The following BRIP1 variants were observed in gnomAD, a reference collection of about 807,000 sequenced individuals.
BRIP1 encodes the protein Fanconi anemia group J protein.
BRIP1 carries 88 observed loss-of-function variants against 119.7 expected under a neutral mutation model. The observed-to-expected ratio is 0.74, with a 90% CI of 0.62 to 0.88. The LOEUF (loss-of-function observed/expected upper bound fraction) is 0.88. Among genes scored for constraint, BRIP1 ranks in the 40% least tolerant of loss-of-function variants. BRIP1 has a pLI of 0.00. For synonymous variants in BRIP1, 443 were observed against 496.5 expected, an observed-to-expected ratio of 0.89 and a Z score of 1.43; for missense variants, 1,259 against 1,455.4, an observed-to-expected ratio of 0.87 and a Z score of 2.20.
At position 61,804,874 on chromosome 17, in the gene BRIP1, T is replaced by G. The variant is rs1464503695; in HGVS notation, c.919-3400A>C. Among the ~76,000 whole-genome samples the G allele has an allele frequency of 6.6e-6, 1 of 151,930 alleles. No homozygotes were observed. Among genetic ancestry groups the G allele is most frequent in the East Asian group, 1.9e-4 (1 of 5,186 alleles). On this transcript the variant is annotated intron_variant, in intron 7 of 19. Transcript: ENST00000259008. The surrounding 1 kb of genome is among the most constrained non-coding windows in gnomAD (Gnocchi z 4.5). ...GTATTACTGGAAATAAAAGATTTCA[T>G]TACAGGCTGAGCGCACTGGCTCATG...
Position 61,687,017 on chromosome 17 carries a change from T to G in BRIP1, c.2576-852A>C, listed in dbSNP as rs1183109569. On this transcript the variant is annotated intron_variant, in intron 18 of 19. Coordinates refer to ENST00000259008, the MANE Select transcript of BRIP1 (RefSeq NM_032043.3). The surrounding 1 kb of genome is among the most constrained non-coding windows in gnomAD (Gnocchi z 5.1). ...TTTAAATAAGCCATTTCCCTTGAAG[T>G]TTTTTATTTTGTTCATTTGGGGAAT... is the stretch of plus-strand genomic sequence containing the variant. Among the ~76,000 whole-genome samples, 1 of 152,150 alleles carries G rather than the reference T, an allele frequency of 6.6e-6. No individual in the cohort carries two copies. Among genetic ancestry groups the G allele is most frequent in the Non-Finnish European group, 1.5e-5 (1 of 68,022 alleles).
At position 61,776,449 on chromosome 17, in the gene BRIP1, C is replaced by T. The variant is rs1228288888; in HGVS notation, c.2049G>A (p.Val683=). 1 of 1,614,088 alleles carries T rather than the reference C, an allele frequency of 6.2e-7. No individual in the cohort carries two copies. The highest frequency in any genetic ancestry group is 1.7e-5 in the Admixed American group (1 of 60,008). ...AAATTCCTTGGCTCACAGTCTGGCA[C>T]ACAGATAACAAAAGTGCTCCCACTT... ...QDEVGALLLS[V]CQTVSQGILC... is the part of the protein sequence containing the mutation. Residue 683 remains valine, a synonymous_variant, in exon 14 of 20, where the codon GTG becomes GTA. Transcript: ENST00000259008. This position sits in a 1 kb window ranked among gnomAD's most constrained non-coding sequence, Gnocchi z 5.0.
intron 17 of BRIP1, among the ~76,000 whole-genome samples, chr17:61,712,175 C>T (rs1175986134): frequency 2.6e-5 from 4 of 152,038 alleles, no homozygotes; most frequent in Non-Finnish European, 5.9e-5. Flanking sequence ...GGTTGAAGTG[C>T]AAATATGTCA....
In BRIP1 at chr17:61,841,807, T is replaced by G. The variant is rs955499558; in HGVS notation, c.627+5294A>C. Among the ~76,000 whole-genome samples, 1 of 152,130 alleles carries G rather than the reference T, an allele frequency of 6.6e-6. No homozygotes were observed. The highest frequency in any genetic ancestry group is 2.4e-5 in the African/African-American group (1 of 41,440). On this transcript the variant is annotated intron_variant, in intron 6 of 19. Coordinates refer to ENST00000259008, the MANE Select transcript of BRIP1 (RefSeq NM_032043.3). This position sits in a 1 kb window ranked among gnomAD's most constrained non-coding sequence, Gnocchi z 4.1. Reference sequence around the variant, plus strand: ...ATCGCCCATGCCTCAGCCTCCCAAGTAGCTAGGACTGCAGGCACGTACCAC... The same window carrying G: ...ATCGCCCATGCCTCAGCCTCCCAAGGAGCTAGGACTGCAGGCACGTACCAC...
chr17:61,819,520 C>A (rs908430771), intron 6 of BRIP1, among the ~76,000 whole-genome samples: 1 of 152,140 alleles, frequency 6.6e-6, no homozygotes, highest in Non-Finnish European at 1.5e-5. Context: ...GAATGTGGCA[C>A]ATACACAATG....
intron 16 of BRIP1, among the ~76,000 whole-genome samples, chr17:61,719,706 CAGAGTG>C (rs2061940648): frequency 6.8e-6 from 1 of 146,616 alleles, no homozygotes; most frequent in Non-Finnish European, 1.5e-5. Context: ...GCCTGGGTGA[CAGAGTG>C]AGACTCTGTC....
chr17:61,688,217 T>C (rs1034962012), intron 18 of BRIP1, among the ~76,000 whole-genome samples: 2 of 152,174 alleles, frequency 1.3e-5, no homozygotes, highest in Non-Finnish European at 2.9e-5. Context: ...CTCATGCCTG[T>C]AATCCCAGCA....
Position 61,814,373 on chromosome 17 carries a change from G to C in BRIP1, c.628-5616C>G, listed in dbSNP as rs530724773. On this transcript the variant is annotated intron_variant, in intron 6 of 19. Coordinates refer to ENST00000259008, the MANE Select transcript of BRIP1 (RefSeq NM_032043.3). This position sits in a 1 kb window ranked among gnomAD's most constrained non-coding sequence, Gnocchi z 4.9. The stretch of plus-strand genomic sequence containing the variant: ...AGTGCTTACAGTCAAGTGAGGATCA[G>C]TATCTACAACATATAAAGAATTCCA... 6.6e-6 allele frequency among the ~76,000 whole-genome samples: 1 copy of C among 152,026 alleles called. No homozygotes were observed. Among genetic ancestry groups the C allele is most frequent in the South Asian group, 2.1e-4 (1 of 4,830 alleles).
Position 61,757,898 on chromosome 17 carries a change from T to C in BRIP1, c.2098-13307A>G, listed in dbSNP as rs1056261858. On this transcript the variant is annotated intron_variant, in intron 14 of 19. Coordinates refer to ENST00000259008, the MANE Select transcript of BRIP1 (RefSeq NM_032043.3). This position sits in a 1 kb window ranked among gnomAD's most constrained non-coding sequence, Gnocchi z 4.3. ...GTCCCAGTTACCCAGGAGGCTGAAGTGGGAGGATCACCTGAGCCAGGGAGG... is the reference window on the plus strand; with the variant it reads ...GTCCCAGTTACCCAGGAGGCTGAAGCGGGAGGATCACCTGAGCCAGGGAGG... Among the ~76,000 whole-genome samples the C allele has an allele frequency of 1.1e-4, 16 of 150,994 alleles. No homozygotes were observed. The highest frequency in any genetic ancestry group is 3.9e-4 in the African/African-American group (16 of 41,124).
rs2077531719 is a variant in BRIP1, at chr17:61,776,344, A to ATGTTTAAAATGTAAATGAT, written c.2097+38_2097+56dup. ...TGGTAATTTTAAAATTAGCATGCCA[A>ATGTTTAAAATGTAAATGAT]TGTTTAAAATGTAAATGATTATTTA... On this transcript the variant is annotated intron_variant, in intron 14 of 19. Coordinates refer to ENST00000259008, the MANE Select transcript of BRIP1 (RefSeq NM_032043.3). This position sits in a 1 kb window ranked among gnomAD's most constrained non-coding sequence, Gnocchi z 5.0. 6.3e-7 allele frequency: 1 copy of ATGTTTAAAATGTAAATGAT among 1,595,284 alleles called. No homozygotes were observed. The highest frequency in any genetic ancestry group is 8.6e-7 in the Non-Finnish European group (1 of 1,163,414).
rs1422020047 is a variant in BRIP1, at chr17:61,793,632, T to C, written c.1438A>G (p.Met480Val). 6.2e-7 allele frequency: 1 copy of C among 1,608,576 alleles called. No homozygotes were observed. ...GGAAAAGTAGCAGTGGTGATACCCA[T>C]TTTGTGTAAAGTTAAGAGCATTTCA... is the stretch of plus-strand genomic sequence containing the variant. ...GNEMLLTLHK[M>V]GITTATFPIL... The change falls in exon 10 of 20, where the codon ATG (methionine) becomes GTG (valine). Residue 480 changes from methionine to valine, a missense_variant. Physicochemically the swap from Met to Val is conservative, Grantham distance 21 (BLOSUM62 1). Coordinates refer to ENST00000259008, the MANE Select transcript of BRIP1 (RefSeq NM_032043.3). The surrounding 1 kb of genome is among the most constrained non-coding windows in gnomAD (Gnocchi z 5.2).
rs548018350 is a variant in BRIP1 at position 61,708,823 on chromosome 17, T to A, written c.2492+7128A>T. ...GGGCCAATTTGTAGATATTTTCTCA[T>A]GGGGTGGTCAGTTTCCCTAAAAAGG... On this transcript the variant is annotated intron_variant, in intron 17 of 19. Coordinates refer to ENST00000259008, the MANE Select transcript of BRIP1 (RefSeq NM_032043.3). This position sits in a 1 kb window ranked among gnomAD's most constrained non-coding sequence, Gnocchi z 4.4. Among the ~76,000 whole-genome samples the A allele has an allele frequency of 4.3e-4, 65 of 152,268 alleles. No individual in the cohort carries two copies. Among genetic ancestry groups the A allele is most frequent in the African/African-American group, 1.6e-3 (65 of 41,556 alleles).
intron 16 of BRIP1, among the ~76,000 whole-genome samples, chr17:61,731,981 C>CTTTTTT (rs71299809): frequency 1.3e-3 from 110 of 83,018 alleles, no homozygotes; most frequent in South Asian, 3.6e-3. Context: ...TTCTTTCTTT[C>CTTTTTT]TTTTTTTTTT....
intron 14 of BRIP1, among the ~76,000 whole-genome samples, chr17:61,750,504 A>G (rs2077117274): frequency 6.6e-6 from 1 of 152,210 alleles, no homozygotes; most frequent in Admixed American, 6.5e-5. Flanking sequence ...AAAGAAAAAT[A>G]CAGATAAACT....
intron 10 of BRIP1, among the ~76,000 whole-genome samples, chr17:61,786,331 C>A (rs2077706715): frequency 6.6e-6 from 1 of 151,832 alleles, no homozygotes; most frequent in African/African-American, 2.4e-5. Flanking sequence ...AGAAGCAGAA[C>A]CCACGTTATT....
chr17:61,856,888 C>T lies in BRIP1; in HGVS notation c.379+170G>A, dbSNP rs1189111771. On this transcript the variant is annotated intron_variant, in intron 4 of 19. Coordinates refer to ENST00000259008, the MANE Select transcript of BRIP1 (RefSeq NM_032043.3). The surrounding 1 kb of genome is among the most constrained non-coding windows in gnomAD (Gnocchi z 5.1). ...AAAAGTCAAACCAAGAATTTAAAAA[C>T]GTCTATGGATTTTTGACCACTCTGT... 1.3e-5 allele frequency among the ~76,000 whole-genome samples: 2 copies of T among 152,172 alleles called. No individual in the cohort carries two copies. Among genetic ancestry groups the T allele is most frequent in the Non-Finnish European group, 2.9e-5 (2 of 67,998 alleles).
rs2078388913 is a variant in BRIP1, at chr17:61,825,322, G to A, written c.628-16565C>T. On this transcript the variant is annotated intron_variant, in intron 6 of 19. Coordinates refer to ENST00000259008, the MANE Select transcript of BRIP1 (RefSeq NM_032043.3). This position sits in a 1 kb window ranked among gnomAD's most constrained non-coding sequence, Gnocchi z 4.1. Reference sequence around the variant, plus strand: ...AAAAGAAAAGAAAAGAAAAGAAAAGGAAGCCCTCTCTCACCACTCTTATTA... The same window carrying A: ...AAAAGAAAAGAAAAGAAAAGAAAAGAAAGCCCTCTCTCACCACTCTTATTA... 6.6e-6 allele frequency among the ~76,000 whole-genome samples: 1 copy of A among 151,480 alleles called. No individual in the cohort carries two copies. The highest frequency in any genetic ancestry group is 3.2e-3 in the Middle Eastern group (1 of 314).
rs1337601708 is a variant in BRIP1, at chr17:61,814,433, A to T, written c.628-5676T>A. On this transcript the variant is annotated intron_variant, in intron 6 of 19. Coordinates refer to ENST00000259008, the MANE Select transcript of BRIP1 (RefSeq NM_032043.3). This position sits in a 1 kb window ranked among gnomAD's most constrained non-coding sequence, Gnocchi z 4.9. ...TTTTTAAAAGACAAACCCTACAGAA[A>T]ACCAAGAACAGGCAAATCACAGAAG... Among the ~76,000 whole-genome samples, 3 of 152,188 alleles carry T rather than the reference A, an allele frequency of 2.0e-5. No individual in the cohort carries two copies. The highest frequency in any genetic ancestry group is 4.4e-5 in the Non-Finnish European group (3 of 67,904).
rs572538988 is a variant in BRIP1 at position 61,753,859 on chromosome 17, C to T, written c.2098-9268G>A. Among the ~76,000 whole-genome samples, 2 of 152,240 alleles carry T rather than the reference C, an allele frequency of 1.3e-5. No individual in the cohort carries two copies. Among genetic ancestry groups the T allele is most frequent in the Admixed American group, 1.3e-4 (2 of 15,284 alleles). ...TCTCAAACTCCTGGACTCAAGCACTCCTCCACCTTGGCTTCCCAAAGGGAT... is the reference window on the plus strand; with the variant it reads ...TCTCAAACTCCTGGACTCAAGCACTTCTCCACCTTGGCTTCCCAAAGGGAT... On this transcript the variant is annotated intron_variant, in intron 14 of 19. Coordinates refer to ENST00000259008, the MANE Select transcript of BRIP1 (RefSeq NM_032043.3). The surrounding 1 kb of genome is among the most constrained non-coding windows in gnomAD (Gnocchi z 4.6).
Sources: gnomAD v4.1 joint callset for allele counts (sites outside exome capture counted in the v4.1 genomes callset) on GRCh38, gnomAD v4.1.1 for gene constraint, Gnocchi (gnomAD v3.1) non-coding constraint, MANE v1.5 for transcripts, NCBI Gene and HGNC (gene_info 2026-07-23, HGNC 2026-07-21) for gene names.